The following TMEM63B variants were observed in gnomAD, a reference collection of about 807,000 sequenced individuals.
The protein encoded by TMEM63B is mechanosensitive cation channel TMEM63B.
TMEM63B carries 23 observed loss-of-function variants against 102.6 expected under a neutral mutation model. That is an observed-to-expected ratio of 0.22 (90% confidence interval 0.16 to 0.32). The LOEUF (loss-of-function observed/expected upper bound fraction) is 0.32, where lower values mean the gene tolerates loss of function less well. Ranked by LOEUF, TMEM63B falls within the 10% of genes least tolerant of loss-of-function variation. TMEM63B has a pLI of 1.00. For synonymous variants in TMEM63B, 444 were observed against 437.0 expected (o/e 1.02, Z -0.20); for missense variants, 628 against 1,095.9 (o/e 0.57, Z 6.03).
At chr6:44,147,541 A>G in intron 12 of TMEM63B, 41 bp downstream of exon 12, 1 of 1,608,026 alleles carries the variant, frequency 6.2e-7, no homozygotes, top group Non-Finnish European at 8.5e-7. Context: ...GAAGTTGGAC[A>G]GGTCCTGGGC....
chr6:44,135,970 C>T (rs1762855590), intron 4 of TMEM63B, among the ~76,000 whole-genome samples: 1 of 152,194 alleles, frequency 6.6e-6, no homozygotes, highest in Non-Finnish European at 1.5e-5. Flanking sequence ...CCATCCTTTC[C>T]TCCACCTCCT....
At chr6:44,146,995 A>G (rs1765550557) in intron 11 of TMEM63B, 68 bp downstream of exon 11, 1 of 1,507,318 alleles carries the variant, frequency 6.6e-7, no homozygotes, top group Non-Finnish European at 9.2e-7. Flanking sequence ...CATCTTGGCT[A>G]CCACACAGGC....
chr6:44,134,478 C>A, intron 1 of TMEM63B, 83 bp from the exon 2 acceptor site: 1 of 1,436,192 alleles, frequency 7.0e-7, no homozygotes, highest in Non-Finnish European at 9.4e-7. Context: ...GATCTGTCCT[C>A]ACTGCCCCCT....
intron 15 of TMEM63B, 125 bp from the exon 16 acceptor site, chr6:44,149,734 G>C: frequency 2.8e-6 from 2 of 716,086 alleles, no homozygotes; most frequent in South Asian, 3.6e-5. Flanking sequence ...GGATGTTCTG[G>C]GCTTCCAACA....
chr6:44,138,421 G>A, intron 5 of TMEM63B, 59 bp from the exon 6 acceptor site: 3 of 1,608,248 alleles, frequency 1.9e-6, no homozygotes, highest in Non-Finnish European at 1.7e-6. Context: ...ACTTGAGGGA[G>A]GAGAGAGGTT....
At chr6:44,139,238 C>G (rs2128236087) in intron 6 of TMEM63B, among the ~76,000 whole-genome samples, 1 of 152,160 alleles carries the variant, frequency 6.6e-6, no homozygotes, top group East Asian at 1.9e-4. Context: ...CATCCCTCCC[C>G]TTCTCCATGC....
chr6:44,131,611 C>G (rs959781308), intron 1 of TMEM63B, among the ~76,000 whole-genome samples: 1 of 152,032 alleles, frequency 6.6e-6, no homozygotes, highest in Admixed American at 6.5e-5. Context: ...CCCAGCTACT[C>G]AGGAGGCTGA....
chr6:44,132,273 G>T (rs1445575008), intron 1 of TMEM63B: 1 of 985,326 alleles, frequency 1.0e-6, no homozygotes, highest in African/African-American at 1.7e-5. Flanking sequence ...CAAGGAGGCG[G>T]ACAGCAGAGG....
chr6:44,148,187 C>G lies in TMEM63B; in HGVS notation c.988-65C>G. On this transcript the variant is annotated intron_variant, in intron 12 of 23. Coordinates refer to ENST00000323267, the MANE Select transcript of TMEM63B (RefSeq NM_018426.3). The surrounding 1 kb of genome is among the most constrained non-coding windows in gnomAD (Gnocchi z 5.1). ...GTAGGAAGCCCCAAGTCAGCGTGGG[C>G]TGGATGCTGCAGGCCCCAGCCTGGC... 1 of 1,597,882 alleles carries G rather than the reference C, an allele frequency of 6.3e-7. No homozygotes were observed. The highest frequency in any genetic ancestry group is 1.3e-5 in the African/African-American group (1 of 74,448).
rs1171872059 is a variant in TMEM63B, at chr6:44,127,631, C to T, written c.-72C>T. On this transcript the variant is annotated 5_prime_UTR_variant, in exon 1 of 24. Coordinates refer to ENST00000323267, the MANE Select transcript of TMEM63B (RefSeq NM_018426.3). ...CCCCCTCCCCCTCCCCCAGCCCCGC[C>T]CCGCCCCAACCCGGGGCTCCGAGCC... The T allele has an allele frequency of 2.7e-5, 4 of 150,254 alleles. No individual in the cohort carries two copies. Among genetic ancestry groups the T allele is most frequent in the African/African-American group, 9.8e-5 (4 of 40,840 alleles). The allele number at this position is 150,254 out of a possible 1,614,324, so 9.3% of individuals were successfully genotyped here.
chr6:44,152,578 C>G lies in TMEM63B; in HGVS notation c.1837-15C>G, dbSNP rs147142767. The G allele has an allele frequency of 1.2e-6, 2 of 1,603,928 alleles. No individual in the cohort carries two copies. Among genetic ancestry groups the G allele is most frequent in the Non-Finnish European group, 1.7e-6 (2 of 1,177,076 alleles). On this transcript the variant is annotated splice_polypyrimidine_tract_variant and intron_variant, in intron 19 of 23. Coordinates refer to ENST00000323267, the MANE Select transcript of TMEM63B (RefSeq NM_018426.3). This position sits in a 1 kb window ranked among gnomAD's most constrained non-coding sequence, Gnocchi z 6.4. ...CTGCCTCCCTGAGCCATCCTCCTGCCCGTCTCCCCCCCAGCATCAGGCCTA... is the reference window on the plus strand; with the variant it reads ...CTGCCTCCCTGAGCCATCCTCCTGCGCGTCTCCCCCCCAGCATCAGGCCTA...
At chr6:44,154,042 A>T in intron 21 of TMEM63B, 31 bp from the exon 22 acceptor site, 2 of 1,604,524 alleles carry the variant, frequency 1.2e-6, no homozygotes, top group Non-Finnish European at 1.7e-6. Context: ...CACAGGAGAT[A>T]GCAACCCCAT....
chr6:44,136,628 C>T (rs1253721353), intron 5 of TMEM63B, among the ~76,000 whole-genome samples, 189 bp downstream of exon 5: 1 of 152,256 alleles, frequency 6.6e-6, no homozygotes, highest in Non-Finnish European at 1.5e-5. Flanking sequence ...CTGCTGTCCT[C>T]TATGTCACAG....
At chr6:44,137,160 C>G (rs1002724752) in intron 5 of TMEM63B, among the ~76,000 whole-genome samples, 1 of 152,224 alleles carries the variant, frequency 6.6e-6, no homozygotes, top group African/African-American at 2.4e-5. Flanking sequence ...GGCCGGTTGA[C>G]CTGCTTGTGG....
Position 44,150,415 on chromosome 6 carries a change from G to T in TMEM63B, c.1607+105G>T, listed in dbSNP as rs1766353149. 8.9e-6 allele frequency: 13 copies of T among 1,468,018 alleles called. No individual in the cohort carries two copies. The South Asian group carries it at 1.5e-4, about 17-fold the overall frequency. 90.9% of individuals were successfully genotyped at this position (1,468,018 alleles called of 1,614,324 possible). A position where few individuals can be genotyped will look rare whatever the true frequency, so the allele number is the denominator to read the frequency against. On this transcript the variant is annotated intron_variant, in intron 17 of 23. Coordinates refer to ENST00000323267, the MANE Select transcript of TMEM63B (RefSeq NM_018426.3). This position sits in a 1 kb window ranked among gnomAD's most constrained non-coding sequence, Gnocchi z 4.7. Reference sequence around the variant, plus strand: ...CTCCCCTACAAAGCAAGGGGCCCAAGATGGGAAGCCTGGCCACCCCCAGGC... The same window carrying T: ...CTCCCCTACAAAGCAAGGGGCCCAATATGGGAAGCCTGGCCACCCCCAGGC...
At position 44,150,172 on chromosome 6, in the gene TMEM63B, C is replaced by A. The variant is rs372905881; in HGVS notation, c.1521-52C>A. The stretch of plus-strand genomic sequence containing the variant: ...CATTGTCCTTGTTGGGGGAGCAAGT[C>A]TGGGGCCTGGGCTCACTTGACCTGT... On this transcript the variant is annotated intron_variant, in intron 16 of 23. Coordinates refer to ENST00000323267, the MANE Select transcript of TMEM63B (RefSeq NM_018426.3). The surrounding 1 kb of genome is among the most constrained non-coding windows in gnomAD (Gnocchi z 4.7). 2.0e-5 allele frequency: 31 copies of A among 1,558,382 alleles called. No homozygotes were observed. The African/African-American group carries it at 3.1e-4, about 16-fold the overall frequency.
chr6:44,145,961 GGGGTCAGTCTTTGGCCAGGGTGGGCTTAA>G (rs1271666255), intron 10 of TMEM63B, among the ~76,000 whole-genome samples: 22 of 152,282 alleles, frequency 1.4e-4, no homozygotes, highest in Non-Finnish European at 5.9e-5. Context: ...CAACAGGTCT[GGGGTCAGTCTTTGGCCAGGGTGGGCTTAA>G]GGGTCAGTCT....
Position 44,141,392 on chromosome 6 carries a change from T to C in TMEM63B, c.782+294T>C, listed in dbSNP as rs971796664. The stretch of plus-strand genomic sequence containing the variant: ...GTCATAGGTTGTTGACCCAGGTCCA[T>C]TGGAGTACATATCTTCTTCAAAATT... On this transcript the variant is annotated intron_variant, in intron 10 of 23. Transcript: ENST00000323267. Among the ~76,000 whole-genome samples, 17 of 152,256 alleles carry C rather than the reference T, an allele frequency of 1.1e-4. No homozygotes were observed. In the East Asian group the frequency reaches 2.9e-3, roughly 26 times the overall value.
chr6:44,138,736 G>GTCCCCCCCCACC, intron 6 of TMEM63B: 1 of 280,538 alleles, frequency 3.6e-6, no homozygotes, highest in East Asian at 6.0e-5. Context: ...CCCCCTGCCG[G>GTCCCCCCCCACC]CCCCCCCGCT....
Sources: allele counts gnomAD v4.1 joint callset (sites outside exome capture counted in the v4.1 genomes callset), GRCh38; gene constraint gnomAD v4.1.1; non-coding constraint Gnocchi (gnomAD v3.1); transcripts MANE v1.5; gene names NCBI Gene and HGNC (gene_info 2026-07-23, HGNC 2026-07-21).